Variants in RASA2 observed in about 807,000 individuals in gnomAD.
RASA2 encodes ras GTPase-activating protein 2.
RASA2 carries 155 observed loss-of-function variants against 118.2 expected under a neutral mutation model. The observed-to-expected ratio is 1.31, with a 90% CI of 1.15 to 1.50. RASA2 has a LOEUF of 1.50. RASA2 is among the 40% of genes most tolerant of loss of function. RASA2 has a pLI of 0.00. For synonymous variants in RASA2, 353 were observed against 349.1 expected (o/e 1.01, Z -0.12); for missense variants, 1,016 against 1,009.6 (o/e 1.01, Z -0.09).
chr3:141,603,021 G>T (rs751547041), intron 19 of RASA2, among the ~76,000 whole-genome samples: 12 of 152,144 alleles, frequency 7.9e-5, no homozygotes, highest in Admixed American at 5.9e-4. Flanking sequence ...CTAACTTGGG[G>T]ATAATGGAAA....
intron 19 of RASA2, among the ~76,000 whole-genome samples, chr3:141,589,838 C>G (rs2083261299): frequency 6.7e-6 from 1 of 149,278 alleles, no homozygotes; most frequent in Non-Finnish European, 1.5e-5. Flanking sequence ...GAGGCTCTGT[C>G]TCCAAAAAAA....
intron 2 of RASA2, among the ~76,000 whole-genome samples, chr3:141,514,126 T>A (rs969421217): frequency 6.6e-6 from 1 of 152,126 alleles, no homozygotes; most frequent in Non-Finnish European, 1.5e-5. Context: ...TCAAGAAAAT[T>A]AAATGGCAAG....
At chr3:141,592,399 C>CCTAT (rs2083299002) in intron 19 of RASA2, among the ~76,000 whole-genome samples, 1 of 152,122 alleles carries the variant, frequency 6.6e-6, no homozygotes, top group Admixed American at 6.6e-5. Flanking sequence ...GAGGGTAAGT[C>CCTAT]ATAGGAACTA....
At chr3:141,530,701 A>G (rs2082247159) in intron 4 of RASA2, among the ~76,000 whole-genome samples, 2 of 152,090 alleles carry the variant, frequency 1.3e-5, no homozygotes, top group South Asian at 4.1e-4. Context: ...TTAATTATTA[A>G]ATTCTCAAAA....
chr3:141,490,541 A>G (rs1249967462), intron 1 of RASA2, among the ~76,000 whole-genome samples: 1 of 152,112 alleles, frequency 6.6e-6, no homozygotes, highest in Non-Finnish European at 1.5e-5. Flanking sequence ...TTATCTACTC[A>G]AGGAATACCA....
intron 3 of RASA2, among the ~76,000 whole-genome samples, chr3:141,518,483 A>G (rs1577672392): frequency 4.8e-5 from 1 of 20,682 alleles, no homozygotes; most frequent in African/African-American, 1.9e-4. Flanking sequence ...ACACCATCTC[A>G]AAAAAAAAAA....
intron 9 of RASA2, among the ~76,000 whole-genome samples, chr3:141,564,808 A>G (rs1227957720): frequency 4.6e-5 from 7 of 152,198 alleles, no homozygotes; most frequent in Admixed American, 4.6e-4. Context: ...TATTACTATT[A>G]TCACTCTTCT....
At chr3:141,489,542 T>C (rs6793501) in intron 1 of RASA2, among the ~76,000 whole-genome samples, 4,802 of 152,288 alleles carry the variant, frequency 0.032, 272 homozygotes, top group African/African-American at 0.11. Context: ...GAAAGCCTGA[T>C]AGTGCCCACT....
chr3:141,552,958 G>A (rs545228198), intron 5 of RASA2, among the ~76,000 whole-genome samples: 36 of 152,284 alleles, frequency 2.4e-4, no homozygotes, highest in Non-Finnish European at 4.1e-4. Context: ...TATTTAGTGA[G>A]AAAATTGGAG....
chr3:141,571,004 A>G lies in RASA2; in HGVS notation c.956A>G (p.Tyr319Cys), dbSNP rs370875870. The change falls in exon 10 of 24, where the codon TAC (tyrosine) becomes TGC (cysteine). Residue 319 changes from tyrosine (Y) to cysteine (C), a missense_variant. Tyr to Cys is a radical substitution (Grantham distance 194, BLOSUM62 -2). This residue lies in a region of RASA2 where 896 missense variants were observed against 836.4 expected (regional missense o/e 1.07). Transcript: ENST00000286364. The stretch of plus-strand genomic sequence containing the variant: ...TTAAATATATGTTATACAGAAGACT[A>G]CGTGCTTCCTTCAGAGTACTATGGT... ...LRLNICYTED[Y>C]VLPSEYYGPL... 1.4e-5 allele frequency: 22 copies of G among 1,612,414 alleles called. No individual in the cohort carries two copies. In the African/African-American group the frequency reaches 2.9e-4, roughly 22 times the overall value.
intron 7 of RASA2, among the ~76,000 whole-genome samples, chr3:141,557,600 A>G (rs545841470): frequency 1.6e-4 from 24 of 152,312 alleles, no homozygotes; most frequent in African/African-American, 4.8e-4. Flanking sequence ...TTTTGAGCCT[A>G]TAAGTTATGA....
At position 141,583,589 on chromosome 3, in the gene RASA2, G is replaced by A. The variant is rs1323127570; in HGVS notation, c.1752+2412G>A. Among the ~76,000 whole-genome samples the A allele has an allele frequency of 4.6e-5, 7 of 152,258 alleles. No individual in the cohort carries two copies. The East Asian group carries it at 9.6e-4, about 21-fold the overall frequency. ...ATAGGGCGCTTCTTCAGTTCCCTTG[G>A]ATACTTGTACCCACATTACCCACAT... is the stretch of plus-strand genomic sequence containing the variant. On this transcript the variant is annotated intron_variant, in intron 17 of 23. Transcript: ENST00000286364.
In RASA2 at chr3:141,613,076, T is replaced by C. The variant is rs1291846175; in HGVS notation, c.*763T>C. ...ATTTTCTTGATTTGAAAGTTTAACA[T>C]GACTTCTAAGGACATCTCTTCAAAA... On this transcript the variant is annotated 3_prime_UTR_variant, in exon 24 of 24. Transcript: ENST00000286364. The C allele has an allele frequency of 6.6e-6, 1 of 152,222 alleles. No homozygotes were observed. Among genetic ancestry groups the C allele is most frequent in the Non-Finnish European group, 1.5e-5 (1 of 68,048 alleles). 9.4% of individuals were successfully genotyped at this position (152,222 alleles called of 1,614,324 possible). A position where few individuals can be genotyped will look rare whatever the true frequency, so the allele number is the denominator to read the frequency against.
chr3:141,498,074 T>G (rs2151070776), intron 1 of RASA2, among the ~76,000 whole-genome samples: 2 of 152,328 alleles, frequency 1.3e-5, no homozygotes, highest in Middle Eastern at 6.8e-3. Context: ...ATTTTACAGT[T>G]TTATATAAAA....
intron 3 of RASA2, among the ~76,000 whole-genome samples, chr3:141,527,266 C>G (rs2082198234): frequency 6.6e-6 from 1 of 152,074 alleles, no homozygotes; most frequent in African/African-American, 2.4e-5. Flanking sequence ...TATACATATT[C>G]ATAAATTGTG....
intron 2 of RASA2, among the ~76,000 whole-genome samples, chr3:141,515,750 A>G (rs898761920): frequency 6.6e-6 from 1 of 151,706 alleles, no homozygotes; most frequent in African/African-American, 2.4e-5. Flanking sequence ...AAATACAAAA[A>G]TTAGCTGGGC....
At chr3:141,558,643 G>A (rs1043452632) in intron 7 of RASA2, among the ~76,000 whole-genome samples, 2 of 151,896 alleles carry the variant, frequency 1.3e-5, no homozygotes, top group Non-Finnish European at 2.9e-5. Context: ...TTTAAGGGGA[G>A]AATTTTTCTT....
Position 141,571,008 on chromosome 3 carries a change from G to T in RASA2, c.960G>T (p.Val320=), listed in dbSNP as rs1227578961. 4 of 1,612,260 alleles carry T rather than the reference G, an allele frequency of 2.5e-6. No homozygotes were observed. Among genetic ancestry groups the T allele is most frequent in the Non-Finnish European group, 3.4e-6 (4 of 1,179,254 alleles). The change falls in exon 10 of 24, where the codon GTG becomes GTT. Residue 320 remains valine, a synonymous_variant. Coordinates refer to ENST00000286364, the MANE Select transcript of RASA2 (RefSeq NM_006506.5). ...ATATATGTTATACAGAAGACTACGT[G>T]CTTCCTTCAGAGTACTATGGTCCTT... is the stretch of plus-strand genomic sequence containing the variant. ...RLNICYTEDY[V]LPSEYYGPLK...
At chr3:141,491,148 C>G (rs2081635785) in intron 1 of RASA2, among the ~76,000 whole-genome samples, 1 of 152,246 alleles carries the variant, frequency 6.6e-6, no homozygotes, top group African/African-American at 2.4e-5. Flanking sequence ...AGCTTACCTT[C>G]CGCATCTTTT....
Sources: allele counts gnomAD v4.1 joint callset (sites outside exome capture counted in the v4.1 genomes callset), GRCh38; gene constraint gnomAD v4.1.1; regional missense constraint gnomAD v4.1.1; transcripts MANE v1.5; gene names NCBI Gene and HGNC (gene_info 2026-07-23, HGNC 2026-07-21).